MIDEAS: variants seen among roughly 807,000 people sequenced by gnomAD.
MIDEAS encodes mitotic deacetylase associated SANT domain protein.
Under a neutral mutation model 102.7 loss-of-function variants are expected in MIDEAS, and 26 were observed. The observed-to-expected ratio is 0.25, with a 90% confidence interval of 0.19 to 0.35. The LOEUF is 0.35. MIDEAS is among the 10% of genes least tolerant of loss of function. The pLI, the probability that MIDEAS is intolerant of heterozygous loss-of-function variation, is 1.00. For missense variants in MIDEAS, 1,231 were observed against 1,435.6 expected (o/e 0.86, Z 2.30); for synonymous variants, 585 against 591.0 (o/e 0.99, Z 0.15).
rs765931389 is a variant in MIDEAS at position 73,737,361 on chromosome 14, C to T, written c.1450-64G>A. Reference sequence around the variant, plus strand: ...AGTCATAGCCAGGCGCAGTGGCTCACGCCTATAATTCCTGCACTTTGGGAG... The same window carrying T: ...AGTCATAGCCAGGCGCAGTGGCTCATGCCTATAATTCCTGCACTTTGGGAG... On this transcript the variant is annotated intron_variant, in intron 2 of 12. Coordinates refer to ENST00000423556, the MANE Select transcript of MIDEAS (RefSeq NM_001367710.1). 7.9e-4 allele frequency: 1,191 copies of T among 1,499,816 alleles called. 1 individual carries two copies. The highest frequency in any genetic ancestry group is 9.9e-4 in the Non-Finnish European group (1,098 of 1,105,386). The allele number at this position is 1,499,816 out of a possible 1,614,324, so 92.9% of individuals were successfully genotyped here.
intron 9 of MIDEAS, 54 bp from the exon 10 acceptor site, chr14:73,722,901 G>A: frequency 1.3e-6 from 2 of 1,590,090 alleles, no homozygotes; most frequent in Admixed American, 1.7e-5. Context: ...TCATCTGCCT[G>A]TGGAGAATCC....
Position 73,729,705 on chromosome 14 carries a change from G to C in MIDEAS, c.2030C>G (p.Thr677Ser). ...SGLYFNAIISTSTIPAPPPIT... is the reference protein window; with the variant it reads ...SGLYFNAIISSSTIPAPPPIT... Reference sequence around the variant, plus strand: ...GGGAGGAGGGGCAGGGATGGTGCTGGTTGATATGATGGCATTGAAGTAGAG... The same window carrying C: ...GGGAGGAGGGGCAGGGATGGTGCTGCTTGATATGATGGCATTGAAGTAGAG... Residue 677 changes from threonine to serine, a missense_variant, in exon 4 of 13, where the codon ACC (threonine) becomes AGC (serine). Physicochemically the swap from Thr to Ser is moderately conservative, Grantham distance 58 (BLOSUM62 1). This residue lies in a region of MIDEAS where 391 missense variants were observed against 483.0 expected (regional missense o/e 0.81). Transcript: ENST00000423556. The C allele has an allele frequency of 6.2e-7, 1 of 1,613,994 alleles. No homozygotes were observed. The highest frequency in any genetic ancestry group is 8.5e-7 in the Non-Finnish European group (1 of 1,180,044).
At position 73,718,285 on chromosome 14, in the gene MIDEAS, C is replaced by A. The variant is rs1350935088; in HGVS notation, c.*558G>T. ...CGGTCACGGGAGCAGCTCAGACAGG[C>A]CTAGAGACTGCAGGGACAGCACAGG... On this transcript the variant is annotated 3_prime_UTR_variant, in exon 13 of 13. Coordinates refer to ENST00000423556, the MANE Select transcript of MIDEAS (RefSeq NM_001367710.1). 6.6e-6 allele frequency: 1 copy of A among 152,392 alleles called. No homozygotes were observed. The highest frequency in any genetic ancestry group is 1.5e-5 in the Non-Finnish European group (1 of 68,202). 9.4% of individuals were successfully genotyped at this position (152,392 alleles called of 1,614,324 possible). A position where few individuals can be genotyped will look rare whatever the true frequency, so the allele number is the denominator to read the frequency against.
rs2052875380 is a variant in MIDEAS at position 73,715,675 on chromosome 14, C to G, written c.*3168G>C. 6.6e-6 allele frequency: 1 copy of G among 152,498 alleles called. No individual in the cohort carries two copies. Among genetic ancestry groups the G allele is most frequent in the Non-Finnish European group, 1.5e-5 (1 of 68,026 alleles). The allele number at this position is 152,498 out of a possible 1,614,324, so 9.4% of individuals were successfully genotyped here. A position where few individuals can be genotyped will look rare whatever the true frequency, so the allele number is the denominator to read the frequency against. ...TGCCAGTCTGATAATAAATACCGTC[C>G]CAGAAAAGCGAGCCCCAGTGAAAAC... On this transcript the variant is annotated 3_prime_UTR_variant, in exon 13 of 13. Transcript: ENST00000423556.
intron 1 of MIDEAS, among the ~76,000 whole-genome samples, chr14:73,786,300 C>T (rs571728706): frequency 6.6e-6 from 1 of 152,348 alleles, no homozygotes; most frequent in East Asian, 1.9e-4. Flanking sequence ...ACGGGAACCA[C>T]CGTCAAAGTT....
At chr14:73,719,647 A>G in intron 11 of MIDEAS, 146 bp from the exon 12 acceptor site, 1 of 731,600 alleles carries the variant, frequency 1.4e-6, no homozygotes, top group Non-Finnish European at 2.3e-6. Flanking sequence ...TTCCAGGGAT[A>G]TGACGACCAT....
At chr14:73,789,206 G>A (rs1057513743), upstream of MIDEAS, 24 of 151,812 alleles carry the variant, frequency 1.6e-4, no homozygotes, top group African/African-American at 5.6e-4. Flanking sequence ...CCAGTGATGT[G>A]ATCTTACTTC....
At chr14:73,727,714 G>T in intron 4 of MIDEAS, 190 bp from the exon 5 acceptor site, 1 of 565,762 alleles carries the variant, frequency 1.8e-6, no homozygotes, top group African/African-American at 2.0e-5. Flanking sequence ...CTAAATATTT[G>T]GGTGCCTCAG....
chr14:73,783,165 C>T lies in MIDEAS; in HGVS notation c.-248+3937G>A, dbSNP rs937603504. Among the ~76,000 whole-genome samples, 3 of 152,106 alleles carry T rather than the reference C, an allele frequency of 2.0e-5. No individual in the cohort carries two copies. The East Asian group carries it at 5.8e-4, about 29-fold the overall frequency. ...ACAGGGGATATGATCAAAGTCATGG[C>T]CCAAAAGAGAAAGTGAAAATTCTTA... On this transcript the variant is annotated intron_variant, in intron 1 of 11. Transcript: ENST00000394071.
Position 73,738,682 on chromosome 14 carries a change from C to T in MIDEAS, c.1327G>A (p.Gly443Arg). 1 of 1,613,878 alleles carries T rather than the reference C, an allele frequency of 6.2e-7. No individual in the cohort carries two copies. Among genetic ancestry groups the T allele is most frequent in the Non-Finnish European group, 8.5e-7 (1 of 1,179,942 alleles). ...GMRAVSTGDCGQVLRGGVIQS... is the reference protein window; with the variant it reads ...GMRAVSTGDCRQVLRGGVIQS... ...ATCACTCCGCCCCGTAGCACCTGCC[C>T]ACAGTCCCCTGTGCTCACTGCCCTC... Residue 443 changes from glycine (G) to arginine (R), a missense_variant, in exon 2 of 13, where the codon GGG becomes AGG. This residue lies in a region of MIDEAS where 758 missense variants were observed against 856.0 expected (regional missense o/e 0.89). Transcript: ENST00000423556.
intron 12 of MIDEAS, 84 bp from the exon 13 acceptor site, chr14:73,719,092 A>G (rs1231614362): frequency 1.4e-6 from 2 of 1,448,044 alleles, no homozygotes; most frequent in African/African-American, 2.9e-5. Context: ...CCCAGCCTTC[A>G]CCTTCACCCC....
chr14:73,738,832 G>A lies in MIDEAS; in HGVS notation c.1177C>T (p.Pro393Ser). Residue 393 changes from proline to serine, a missense_variant, in exon 2 of 13, where the codon CCC becomes TCC. Physicochemically the swap from Pro to Ser is moderately conservative, Grantham distance 74. This residue lies in a region of MIDEAS where 758 missense variants were observed against 856.0 expected (regional missense o/e 0.89). Coordinates refer to ENST00000423556, the MANE Select transcript of MIDEAS (RefSeq NM_001367710.1). ...QQPPPGSLGQ[P>S]HPEALGFPLE... is the part of the protein sequence containing the mutation. Reference sequence around the variant, plus strand: ...GGGAATCCCAGAGCTTCAGGATGGGGCTGCCCCAGGGAGCCAGGTGGCGGC... The same window carrying A: ...GGGAATCCCAGAGCTTCAGGATGGGACTGCCCCAGGGAGCCAGGTGGCGGC... 6.4e-7 allele frequency: 1 copy of A among 1,573,868 alleles called. No homozygotes were observed. Among genetic ancestry groups the A allele is most frequent in the Non-Finnish European group, 8.6e-7 (1 of 1,159,746 alleles).
rs940396667 is a variant in MIDEAS, at chr14:73,730,722, GT to G, written c.1750-738del. On this transcript the variant is annotated intron_variant, in intron 3 of 12. Transcript: ENST00000423556. ...AATCTCAGCACTTTGGGAGGTCGAG[GT>G]GGGGGGGAGGGGATCACTTGAGGTC... Among the ~76,000 whole-genome samples, 28 of 152,028 alleles carry G rather than the reference GT, an allele frequency of 1.8e-4. 1 individual carries two copies. The highest frequency in any genetic ancestry group is 6.8e-4 in the African/African-American group (28 of 41,320).
intron 1 of MIDEAS, among the ~76,000 whole-genome samples, chr14:73,745,702 AC>A (rs1470942112): frequency 6.6e-6 from 1 of 152,042 alleles, no homozygotes; most frequent in Non-Finnish European, 1.5e-5. Context: ...TGCTACATGC[AC>A]CCCCACCAAC....
At chr14:73,756,295 T>TGTGTGCGCGCGCGCGCGCGTGC (rs55692592) in intron 1 of MIDEAS, among the ~76,000 whole-genome samples, 2 of 127,626 alleles carry the variant, frequency 1.6e-5, no homozygotes, top group African/African-American at 5.4e-5. Context: ...TGTGTGTGTG[T>TGTGTGCGCGCGCGCGCGCGTGC]GCGCGCGCGC....
chr14:73,717,662 A>G lies in MIDEAS; in HGVS notation c.*1181T>C, dbSNP rs2140087816. 1 of 152,630 alleles carries G rather than the reference A, an allele frequency of 6.6e-6. No individual in the cohort carries two copies. The highest frequency in any genetic ancestry group is 1.9e-4 in the East Asian group (1 of 5,196). The allele number at this position is 152,630 out of a possible 1,614,324, so 9.5% of individuals were successfully genotyped here. ...TGTCAAGATGCCTCGTTTTGGGATA[A>G]ATGCACTCGGGCCTCTGAAAAGCAG... is the stretch of plus-strand genomic sequence containing the variant. On this transcript the variant is annotated 3_prime_UTR_variant, in exon 13 of 13. Transcript: ENST00000423556.
At chr14:73,727,644 AAC>A in intron 4 of MIDEAS, 120 bp from the exon 5 acceptor site, 1 of 935,766 alleles carries the variant, frequency 1.1e-6, no homozygotes. Context: ...TCACGCAGGG[AAC>A]ACAGGCACCT....
chr14:73,738,391 A>G (rs1462345018), intron 2 of MIDEAS, among the ~76,000 whole-genome samples, 169 bp downstream of exon 2: 1 of 152,222 alleles, frequency 6.6e-6, no homozygotes, highest in African/African-American at 2.4e-5. Flanking sequence ...AAAAGAAAGT[A>G]AGCAAGAACC....
rs145388037 is a variant in MIDEAS, at chr14:73,748,604, G to A, written c.-247-8349C>T. 4.5e-3 allele frequency among the ~76,000 whole-genome samples: 681 copies of A among 151,538 alleles called. 5 individuals carry two copies. The highest frequency in any genetic ancestry group is 0.021 in the Middle Eastern group (6 of 290). ...ACAGTCACCAAAAGACAGCTAGAATGGCTATACTAATATCAGACAAAATAT... is the reference window on the plus strand; with the variant it reads ...ACAGTCACCAAAAGACAGCTAGAATAGCTATACTAATATCAGACAAAATAT... On this transcript the variant is annotated intron_variant, in intron 1 of 12. Coordinates refer to ENST00000423556, the MANE Select transcript of MIDEAS (RefSeq NM_001367710.1).
Sources: gnomAD v4.1 joint callset for allele counts (sites outside exome capture counted in the v4.1 genomes callset) on GRCh38, gnomAD v4.1.1 for gene constraint, gnomAD v4.1.1 regional missense constraint, MANE v1.5 for transcripts, NCBI Gene and HGNC (gene_info 2026-07-23, HGNC 2026-07-21) for gene names.